The following CPA6 variants were observed in gnomAD, a reference collection of about 807,000 sequenced individuals.
CPA6 encodes carboxypeptidase B.
CPA6 carries 58 observed loss-of-function variants against 63.3 expected under a neutral mutation model. The ratio of observed to expected loss-of-function variants is 0.92; its 90% CI spans 0.74 to 1.14. CPA6 has a LOEUF of 1.14. Among genes scored for constraint, CPA6 ranks in the 50% most tolerant of loss-of-function variants. The probability of loss-of-function intolerance (pLI) is 0.00; values close to 1 mark genes in which losing one functional copy is unlikely to be tolerated. For synonymous variants in CPA6, 185 were observed against 179.0 expected, an observed-to-expected ratio of 1.03 and a Z score of -0.27; for missense variants, 565 against 526.6, an observed-to-expected ratio of 1.07 and a Z score of -0.71.
At chr8:67,639,345 G>A (rs756493525) in intron 1 of CPA6, among the ~76,000 whole-genome samples, 4 of 151,546 alleles carry the variant, frequency 2.6e-5, no homozygotes, top group Non-Finnish European at 5.9e-5. Context: ...CTCGGCTCCC[G>A]CTACTGGCCT....
chr8:67,565,949 G>T (rs1348623350), intron 2 of CPA6, among the ~76,000 whole-genome samples: 1 of 150,824 alleles, frequency 6.6e-6, no homozygotes, highest in Non-Finnish European at 1.5e-5. Flanking sequence ...CATCCTTTCT[G>T]TTGCCAAGAC....
chr8:67,704,274 T>C (rs1587714808), intron 1 of CPA6, among the ~76,000 whole-genome samples: 1 of 152,180 alleles, frequency 6.6e-6, no homozygotes, highest in African/African-American at 2.4e-5. Context: ...TCTAATCACT[T>C]CTGTGCCCTT....
chr8:67,446,263 TAAA>T (rs765715315), intron 8 of CPA6, among the ~76,000 whole-genome samples: 3 of 133,072 alleles, frequency 2.3e-5, no homozygotes, highest in African/African-American at 2.8e-5. Flanking sequence ...AGACTCCATC[TAAA>T]AAAAAAAAAA....
intron 1 of CPA6, among the ~76,000 whole-genome samples, chr8:67,733,088 C>T (rs950616855): frequency 6.8e-6 from 1 of 147,776 alleles, no homozygotes; most frequent in Non-Finnish European, 1.5e-5. Flanking sequence ...CCCAGCTACT[C>T]GGGAGGCTGA....
chr8:67,688,907 C>G (rs1816759667), intron 1 of CPA6, among the ~76,000 whole-genome samples: 1 of 151,990 alleles, frequency 6.6e-6, no homozygotes, highest in African/African-American at 2.4e-5. Flanking sequence ...TAAAAGGCTC[C>G]CATAGACTAG....
At chr8:67,511,732 T>C (rs559350167) in intron 3 of CPA6, 77 bp from the exon 4 acceptor site, 7 of 789,778 alleles carry the variant, frequency 8.9e-6, no homozygotes, top group South Asian at 2.8e-5. Context: ...GAAAAAATCA[T>C]ATGCATCTAT....
chr8:67,545,312 A>G (rs1166933332), intron 2 of CPA6, among the ~76,000 whole-genome samples: 2 of 152,134 alleles, frequency 1.3e-5, no homozygotes, highest in African/African-American at 4.8e-5. Flanking sequence ...CTTTGAGTCA[A>G]GAGATTTGTT....
chr8:67,642,370 A>T (rs1815612719), intron 1 of CPA6, among the ~76,000 whole-genome samples: 1 of 152,118 alleles, frequency 6.6e-6, no homozygotes, highest in Admixed American at 6.6e-5. Context: ...GTAAACAGAG[A>T]CACACCATAT....
At chr8:67,484,612 A>G in intron 7 of CPA6, 67 bp downstream of exon 7, 1 of 815,488 alleles carries the variant, frequency 1.2e-6, no homozygotes, top group Non-Finnish European at 2.0e-6. Context: ...CTGTCCTGGA[A>G]GTTTGTGACT....
At position 67,651,849 on chromosome 8, in the gene CPA6, G is replaced by A. The variant is rs544789353; in HGVS notation, c.117-27598C>T. Among the ~76,000 whole-genome samples the A allele has an allele frequency of 2.3e-3, 354 of 151,920 alleles. 5 individuals are homozygous for A. The highest frequency in any genetic ancestry group is 3.4e-3 in the Middle Eastern group (1 of 292). On this transcript the variant is annotated intron_variant, in intron 1 of 10. Transcript: ENST00000297770. ...GTTGGTGTGCTGCACCCATTAACTC[G>A]TCATTTAGCATTAGGTATATCTCCT...
intron 2 of CPA6, among the ~76,000 whole-genome samples, chr8:67,578,940 C>T (rs2128977924): frequency 6.6e-6 from 1 of 152,272 alleles, no homozygotes; most frequent in Middle Eastern, 3.4e-3. Flanking sequence ...ATCAAATTCC[C>T]TTAAGCATTT....
chr8:67,663,214 A>G (rs1816155606), intron 1 of CPA6, among the ~76,000 whole-genome samples: 2 of 152,212 alleles, frequency 1.3e-5, no homozygotes, highest in South Asian at 4.1e-4. Flanking sequence ...TGAAATAACA[A>G]CTGAAAACCA....
chr8:67,449,745 C>T (rs985410233), intron 8 of CPA6, among the ~76,000 whole-genome samples: 6 of 151,986 alleles, frequency 3.9e-5, no homozygotes, highest in Admixed American at 1.3e-4. Flanking sequence ...TCATGTTCTC[C>T]CTTCCTGTCC....
intron 1 of CPA6, among the ~76,000 whole-genome samples, chr8:67,724,873 A>G (rs564542458): frequency 6.6e-6 from 1 of 152,362 alleles, no homozygotes; most frequent in African/African-American, 2.4e-5. Context: ...CTTAAGGATA[A>G]CATCTTCAGG....
chr8:67,632,063 A>G (rs1815346733), intron 1 of CPA6, among the ~76,000 whole-genome samples: 1 of 152,198 alleles, frequency 6.6e-6, no homozygotes, highest in Non-Finnish European at 1.5e-5. Context: ...TTCTGGACAC[A>G]TTAATATTTT....
At chr8:67,596,812 T>G (rs1814351137) in intron 2 of CPA6, among the ~76,000 whole-genome samples, 1 of 152,244 alleles carries the variant, frequency 6.6e-6, no homozygotes, top group Non-Finnish European at 1.5e-5. Context: ...CCTTAGTCTT[T>G]GTGTTTCATG....
At chr8:67,472,375 T>TTTTTATTTTATTTTATTCTA (rs59003613) in intron 8 of CPA6, among the ~76,000 whole-genome samples, 7,835 of 68,904 alleles carry the variant, frequency 0.11, 683 homozygotes, top group African/African-American at 0.38. Flanking sequence ...AAGATTTATT[T>TTTTTATTTTATTTTATTCTA]TTTTATTTTA....
intron 1 of CPA6, among the ~76,000 whole-genome samples, chr8:67,694,540 G>A (rs934797520): frequency 2.0e-5 from 3 of 152,148 alleles, no homozygotes. Flanking sequence ...TACAACATTG[G>A]GCCTGAGCAG....
chr8:67,557,282 G>A (rs1813085085), intron 2 of CPA6, among the ~76,000 whole-genome samples: 1 of 152,170 alleles, frequency 6.6e-6, no homozygotes, highest in African/African-American at 2.4e-5. Context: ...GGTGAAGCCT[G>A]CAGGTTATTC....
Sources: allele counts gnomAD v4.1 joint callset (sites outside exome capture counted in the v4.1 genomes callset), GRCh38; gene constraint gnomAD v4.1.1; transcripts MANE v1.5; gene names NCBI Gene and HGNC (gene_info 2026-07-23, HGNC 2026-07-21).